The following SLCO3A1 variants were observed in gnomAD, a reference collection of about 807,000 sequenced individuals.
SLCO3A1 encodes the protein PGE1 transporter.
In SLCO3A1, 27 loss-of-function variants were observed where a neutral mutation model predicts 63.1. The observed-to-expected ratio is 0.43, with a 90% confidence interval of 0.32 to 0.59. The LOEUF (loss-of-function observed/expected upper bound fraction) is 0.59. Ranked by LOEUF, SLCO3A1 falls within the 20% of genes least tolerant of loss-of-function variation. The pLI is 0.09. For missense variants in SLCO3A1, 773 were observed against 945.8 expected (o/e 0.82, Z 2.40); for synonymous variants, 473 against 409.9 (o/e 1.15, Z -1.86).
chr15:91,872,613 G>T lies in SLCO3A1; in HGVS notation c.180+18525G>T, dbSNP rs1418670856. 2.6e-5 allele frequency among the ~76,000 whole-genome samples: 4 copies of T among 152,120 alleles called. No individual in the cohort carries two copies. The highest frequency in any genetic ancestry group is 5.9e-5 in the Non-Finnish European group (4 of 68,018). On this transcript the variant is annotated intron_variant, in intron 1 of 9. Transcript: ENST00000318445. The surrounding 1 kb of genome is among the most constrained non-coding windows in gnomAD (Gnocchi z 4.1). ...TGGCACAGCTAGTGTTTGATCTTGA[G>T]TCTCTTGGTTCCAGCTCTAAATTCC...
At chr15:92,081,112 C>CT in intron 2 of SLCO3A1, among the ~76,000 whole-genome samples, 2 of 152,178 alleles carry the variant, frequency 1.3e-5, no homozygotes, top group South Asian at 4.1e-4. Context: ...CAGTGATACT[C>CT]TTTCAGTTAT....
chr15:92,031,041 A>AGGGG (rs2046641753), intron 2 of SLCO3A1, among the ~76,000 whole-genome samples: 1 of 96,566 alleles, frequency 1.0e-5, no homozygotes, highest in Non-Finnish European at 2.2e-5. Flanking sequence ...GGAGGGAGGG[A>AGGGG]GGGAAGGGGA....
intron 1 of SLCO3A1, among the ~76,000 whole-genome samples, chr15:91,855,029 A>AT (rs1250915156): frequency 2.6e-5 from 4 of 151,970 alleles, no homozygotes; most frequent in African/African-American, 4.8e-5. Flanking sequence ...TAAACGGGAA[A>AT]TTTTTTTTGA....
intron 1 of SLCO3A1, among the ~76,000 whole-genome samples, 179 bp from the exon 2 acceptor site, chr15:91,915,814 A>G (rs550921396): frequency 6.6e-6 from 1 of 152,164 alleles, no homozygotes; most frequent in East Asian, 1.9e-4. Context: ...TACTAAATAA[A>G]CGTCTTTCTG....
chr15:92,040,065 G>A (rs1358463943), intron 2 of SLCO3A1, among the ~76,000 whole-genome samples: 3 of 152,136 alleles, frequency 2.0e-5, no homozygotes, highest in African/African-American at 7.2e-5. Context: ...GGGGCAAGGG[G>A]AGGGAGAGCA....
At chr15:91,915,957 T>G (rs4077721) in intron 1 of SLCO3A1, 36 bp from the exon 2 acceptor site, 8 of 1,549,664 alleles carry the variant, frequency 5.2e-6, no homozygotes, top group Non-Finnish European at 7.1e-6. Flanking sequence ...GGCATCTTCT[T>G]GGATTGGCTC....
chr15:92,157,314 A>T (rs909820250), intron 9 of SLCO3A1: 1 of 152,142 alleles, frequency 6.6e-6, no homozygotes, highest in Admixed American at 6.5e-5. Context: ...GCATTTCTTC[A>T]AAAGACACAG....
In SLCO3A1 at chr15:91,948,611, C is replaced by T. The variant is rs969629851; in HGVS notation, c.646+32153C>T. Among the ~76,000 whole-genome samples the T allele has an allele frequency of 1.5e-4, 23 of 152,198 alleles. No homozygotes were observed. Among genetic ancestry groups the T allele is most frequent in the African/African-American group, 5.6e-4 (23 of 41,438 alleles). Reference sequence around the variant, plus strand: ...TTTCAAAACAGTACAGGCAATTAATCAGGGATGCCTGCATGGGCCACTCTC... The same window carrying T: ...TTTCAAAACAGTACAGGCAATTAATTAGGGATGCCTGCATGGGCCACTCTC... On this transcript the variant is annotated intron_variant, in intron 2 of 9. Transcript: ENST00000318445. This position sits in a 1 kb window ranked among gnomAD's most constrained non-coding sequence, Gnocchi z 4.8.
chr15:91,866,274 G>A (rs530464101), intron 1 of SLCO3A1, among the ~76,000 whole-genome samples: 4 of 152,282 alleles, frequency 2.6e-5, no homozygotes, highest in Non-Finnish European at 5.9e-5. Flanking sequence ...TGTATTTACT[G>A]TGTGTATGTA....
intron 2 of SLCO3A1, among the ~76,000 whole-genome samples, chr15:91,925,761 A>G (rs1436991579): frequency 6.6e-6 from 1 of 152,208 alleles, no homozygotes; most frequent in Non-Finnish European, 1.5e-5. Context: ...ACATGCAGAG[A>G]ACTTGCCTAA....
intron 2 of SLCO3A1, among the ~76,000 whole-genome samples, chr15:92,042,478 C>T (rs1336976643): frequency 6.6e-6 from 1 of 152,172 alleles, no homozygotes; most frequent in Non-Finnish European, 1.5e-5. Context: ...GCTTATTCAT[C>T]TACCTGCTGA....
At chr15:92,016,259 T>TA (rs1567068098) in intron 2 of SLCO3A1, among the ~76,000 whole-genome samples, 1 of 113,542 alleles carries the variant, frequency 8.8e-6, no homozygotes, top group African/African-American at 5.1e-5. Context: ...ATAGATTAGA[T>TA]AGATAGATAG....
At chr15:92,028,908 A>ATGTGTGTGTGTGTGTGTGT (rs71465727) in intron 2 of SLCO3A1, among the ~76,000 whole-genome samples, 1 of 120,072 alleles carries the variant, frequency 8.3e-6, no homozygotes, top group African/African-American at 3.4e-5. Flanking sequence ...TGCAGGCACA[A>ATGTGTGTGTGTGTGTGTGT]GTGTGTGTGT....
chr15:92,143,581 A>G (rs1458811353), intron 7 of SLCO3A1, among the ~76,000 whole-genome samples: 2 of 131,958 alleles, frequency 1.5e-5, no homozygotes, highest in Non-Finnish European at 3.1e-5. Context: ...TGTCTTCATT[A>G]GCTTTAGTGT....
At chr15:91,944,233 C>T (rs563385517) in intron 2 of SLCO3A1, among the ~76,000 whole-genome samples, 2 of 65,906 alleles carry the variant, frequency 3.0e-5, no homozygotes, top group East Asian at 8.4e-3. Flanking sequence ...GTATGATTAC[C>T]ATATCCCTGT....
At chr15:92,038,800 A>T (rs181475454) in intron 2 of SLCO3A1, among the ~76,000 whole-genome samples, 364 of 152,346 alleles carry the variant, frequency 2.4e-3, no homozygotes, top group African/African-American at 8.4e-3. Flanking sequence ...AGCCAAGACC[A>T]TCCTAAGCAA....
At chr15:92,100,194 G>A (rs2047588428) in intron 3 of SLCO3A1, among the ~76,000 whole-genome samples, 1 of 152,100 alleles carries the variant, frequency 6.6e-6, no homozygotes, top group South Asian at 2.1e-4. Flanking sequence ...ATATTTCATG[G>A]TACACCCAGT....
intron 2 of SLCO3A1, among the ~76,000 whole-genome samples, chr15:92,030,788 G>A (rs1356888311): frequency 6.6e-6 from 1 of 152,102 alleles, no homozygotes; most frequent in African/African-American, 2.4e-5. Context: ...GTACCTCTTA[G>A]CGCTCGCATT....
chr15:91,981,711 C>T (rs2045989932), intron 2 of SLCO3A1, among the ~76,000 whole-genome samples: 1 of 152,190 alleles, frequency 6.6e-6, no homozygotes, highest in Non-Finnish European at 1.5e-5. Flanking sequence ...CTGTATCCCT[C>T]CTTGTCTGGC....
Sources: gnomAD v4.1 joint callset for allele counts (sites outside exome capture counted in the v4.1 genomes callset) on GRCh38, gnomAD v4.1.1 for gene constraint, Gnocchi (gnomAD v3.1) non-coding constraint, MANE v1.5 for transcripts, NCBI Gene and HGNC (gene_info 2026-07-23, HGNC 2026-07-21) for gene names.